The following QTMAN variants were observed in gnomAD, a reference collection of about 807,000 sequenced individuals.
The protein encoded by QTMAN is tRNA-queuosine alpha-mannosyltransferase.
chr2:143,990,963 A>T, the QTMAN span, among the ~76,000 whole-genome samples: 7 of 152,322 alleles, frequency 4.6e-5, no homozygotes, highest in Middle Eastern at 3.4e-3. Context: ...TGAGAAATTT[A>T]AAAAAATCAT....
chr2:144,322,678 T>A, the QTMAN span, among the ~76,000 whole-genome samples: 1 of 152,206 alleles, frequency 6.6e-6, no homozygotes, highest in South Asian at 2.1e-4. Flanking sequence ...ATTGTAGATG[T>A]TCTTTTTTGA....
the QTMAN span, among the ~76,000 whole-genome samples, chr2:144,002,666 T>C: frequency 3.8e-4 from 58 of 152,088 alleles, no homozygotes; most frequent in African/African-American, 1.3e-3. Context: ...GGTGAACCTG[T>C]GTTTCCCAAA....
At chr2:144,108,604 C>T in the QTMAN span, among the ~76,000 whole-genome samples, 6 of 143,438 alleles carry the variant, frequency 4.2e-5, no homozygotes, top group African/African-American at 1.5e-4. Context: ...CGCCACTGCC[C>T]TCCAGCCTGG....
the QTMAN span, among the ~76,000 whole-genome samples, chr2:143,968,249 G>A: frequency 5.3e-5 from 8 of 152,142 alleles, no homozygotes; most frequent in Admixed American, 1.3e-4. Context: ...ACAGAAGCAC[G>A]TGTATAGACA....
At chr2:144,213,010 C>T in the QTMAN span, among the ~76,000 whole-genome samples, 22,556 of 152,098 alleles carry the variant, frequency 0.15, 2,688 homozygotes, top group African/African-American at 0.33. Flanking sequence ...TTCAAAAATG[C>T]ATATTCATAA....
At chr2:144,088,140 C>G in the QTMAN span, among the ~76,000 whole-genome samples, 91 of 151,932 alleles carry the variant, frequency 6.0e-4, no homozygotes, top group African/African-American at 2.1e-3. Flanking sequence ...AATTAGTAGT[C>G]TTTCTTTACA....
At chr2:144,203,521 AACAAGGC>A in the QTMAN span, among the ~76,000 whole-genome samples, 2 of 152,160 alleles carry the variant, frequency 1.3e-5, no homozygotes, top group Non-Finnish European at 2.9e-5. Context: ...GAAGACCCAC[AACAAGGC>A]AGTACAGGAT....
the QTMAN span, among the ~76,000 whole-genome samples, chr2:144,300,015 T>C: frequency 5.3e-5 from 8 of 152,334 alleles, no homozygotes; most frequent in Admixed American, 3.9e-4. Context: ...AACTAGTCAA[T>C]CAAAATGGCA....
chr2:143,982,853 C>CA, the QTMAN span, among the ~76,000 whole-genome samples: 6,967 of 60,372 alleles, frequency 0.12, 359 homozygotes, highest in Non-Finnish European at 0.18. Flanking sequence ...GACTCTGTCT[C>CA]AAAAAAAAAA....
chr2:144,278,542 T>C, the QTMAN span, among the ~76,000 whole-genome samples: 1 of 127,462 alleles, frequency 7.8e-6, no homozygotes, highest in East Asian at 2.1e-4. Flanking sequence ...GTTTTCCTTC[T>C]TTTTTTTTTT....
At chr2:144,226,036 A>G in the QTMAN span, among the ~76,000 whole-genome samples, 30 of 152,364 alleles carry the variant, frequency 2.0e-4, 2 homozygotes, top group South Asian at 6.2e-3. Flanking sequence ...GGAATAAAAC[A>G]AAAGAGGTAT....
chr2:144,221,786 C>T, the QTMAN span, among the ~76,000 whole-genome samples: 1 of 152,316 alleles, frequency 6.6e-6, no homozygotes, highest in African/African-American at 2.4e-5. Context: ...CATTTAAAAA[C>T]TAATCGACAA....
the QTMAN span, among the ~76,000 whole-genome samples, chr2:144,171,023 C>CCACT: frequency 6.6e-6 from 1 of 152,060 alleles, no homozygotes; most frequent in Admixed American, 6.6e-5. Flanking sequence ...AATAGCAGTA[C>CCACT]CACTGTTCAC....
At chr2:144,195,858 T>C in the QTMAN span, among the ~76,000 whole-genome samples, 3 of 152,200 alleles carry the variant, frequency 2.0e-5, no homozygotes, top group African/African-American at 7.2e-5. Flanking sequence ...ATATTGCTAC[T>C]AAAATAACTG....
At chr2:144,198,418 G>C in the QTMAN span, among the ~76,000 whole-genome samples, 1 of 152,224 alleles carries the variant, frequency 6.6e-6, no homozygotes, top group Non-Finnish European at 1.5e-5. Flanking sequence ...AGGTACAGTT[G>C]GTTCATCTCA....
At chr2:144,129,916 T>C in the QTMAN span, among the ~76,000 whole-genome samples, 6 of 151,988 alleles carry the variant, frequency 3.9e-5, no homozygotes, top group South Asian at 4.1e-4. Context: ...GTAGACAACA[T>C]TGAGTCAAAT....
chr2:144,278,318 C>T, the QTMAN span, among the ~76,000 whole-genome samples: 27 of 152,114 alleles, frequency 1.8e-4, no homozygotes, highest in Admixed American at 5.9e-4. Context: ...AAGTAAGTTA[C>T]TTAGACTCTT....
the QTMAN span, among the ~76,000 whole-genome samples, chr2:144,075,709 G>A: frequency 6.6e-6 from 1 of 152,186 alleles, no homozygotes; most frequent in South Asian, 2.1e-4. Flanking sequence ...AACTGTTGAT[G>A]TGTTTTATGT....
At chr2:143,965,133 T>G in the QTMAN span, among the ~76,000 whole-genome samples, 3 of 152,112 alleles carry the variant, frequency 2.0e-5, no homozygotes, top group Admixed American at 2.0e-4. Context: ...ACTCAAATAT[T>G]TGCATTGAGG....
Sources: allele counts gnomAD v4.1 joint callset (sites outside exome capture counted in the v4.1 genomes callset), GRCh38; gene constraint gnomAD v4.1.1; transcripts MANE v1.5; gene names NCBI Gene and HGNC (gene_info 2026-07-23, HGNC 2026-07-21).